Variants in HTT observed in about 807,000 individuals in gnomAD.
The protein encoded by HTT is huntington disease protein.
In HTT, 104 loss-of-function variants were observed where a neutral mutation model predicts 362.3. That is an observed-to-expected ratio of 0.29 (90% CI 0.24 to 0.34). The LOEUF is 0.34. Ranked by LOEUF, HTT falls within the 10% of genes least tolerant of loss-of-function variation. The pLI, the probability that HTT is intolerant of heterozygous loss-of-function variation, is 1.00. For missense variants in HTT, 3,301 were observed against 3,928.6 expected, an observed-to-expected ratio of 0.84 and a Z score of 4.27; for synonymous variants, 1,577 against 1,548.7, an observed-to-expected ratio of 1.02 and a Z score of -0.43.
At chr4:3,171,266 A>G (rs903351791) in intron 29 of HTT, among the ~76,000 whole-genome samples, 3 of 152,268 alleles carry the variant, frequency 2.0e-5, no homozygotes, top group South Asian at 2.1e-4. Flanking sequence ...ACAAGAATCT[A>G]TTGCTTATTA....
intron 60 of HTT, 120 bp downstream of exon 60, chr4:3,230,162 C>T: frequency 1.3e-6 from 1 of 782,708 alleles, no homozygotes; most frequent in South Asian, 1.6e-5. Context: ...TTGACCCGAA[C>T]CGGACTCCAC....
At chr4:3,132,487 G>A in intron 16 of HTT, 75 bp from the exon 17 acceptor site, 1 of 1,277,902 alleles carries the variant, frequency 7.8e-7, no homozygotes, top group Non-Finnish European at 1.1e-6. Context: ...TCTTTCCTGA[G>A]AATTAAGCTT....
At chr4:3,127,020 G>A (rs1715552553) in intron 11 of HTT, among the ~76,000 whole-genome samples, 1 of 152,200 alleles carries the variant, frequency 6.6e-6, no homozygotes, top group Admixed American at 6.5e-5. Flanking sequence ...GGTTTTTGCA[G>A]TGAAACAGCA....
In HTT at chr4:3,131,623, G is replaced by A. The variant is rs780792235; in HGVS notation, c.2099-15G>A. ...TTGTTTGAGGCTGAAGGTGGCTTGG[G>A]TGATTTCTTGGCAGTGCTGGTTCCG... On this transcript the variant is annotated splice_polypyrimidine_tract_variant and intron_variant, in intron 15 of 66. Coordinates refer to ENST00000355072, the MANE Select transcript of HTT (RefSeq NM_001388492.1). The A allele has an allele frequency of 2.5e-5, 40 of 1,610,232 alleles. 1 individual carries two copies. In the South Asian group the frequency reaches 4.3e-4, roughly 17 times the overall value.
At chr4:3,201,103 C>T (rs889999323) in intron 41 of HTT, among the ~76,000 whole-genome samples, 2 of 152,250 alleles carry the variant, frequency 1.3e-5, no homozygotes, top group Non-Finnish European at 2.9e-5. Context: ...CAAGCGTCTT[C>T]ATTCAGCCCT....
chr4:3,168,972 A>T (rs1399588632), intron 29 of HTT, among the ~76,000 whole-genome samples: 1 of 148,712 alleles, frequency 6.7e-6, no homozygotes, highest in Admixed American at 6.7e-5. Flanking sequence ...GTGGCTTCAT[A>T]GTATTTTTAA....
intron 14 of HTT, 116 bp downstream of exon 14, chr4:3,130,539 C>G: frequency 1.7e-6 from 1 of 605,124 alleles, no homozygotes; most frequent in East Asian, 2.8e-5. Flanking sequence ...TAAATTTCCC[C>G]TTTAAATACC....
At chr4:3,145,708 C>G (rs930315765) in intron 24 of HTT, among the ~76,000 whole-genome samples, 2 of 152,230 alleles carry the variant, frequency 1.3e-5, no homozygotes, top group Non-Finnish European at 2.9e-5. Flanking sequence ...AAGTCTTCTC[C>G]AGCATTCAGG....
intron 8 of HTT, 68 bp from the exon 9 acceptor site, chr4:3,121,160 C>T (rs762184605): frequency 6.6e-6 from 8 of 1,215,520 alleles, no homozygotes; most frequent in East Asian, 2.4e-5. Context: ...TTAAAAACAA[C>T]AAAAAAGTGA....
At chr4:3,176,849 C>A (rs1375849719) in intron 33 of HTT, among the ~76,000 whole-genome samples, 2 of 152,234 alleles carry the variant, frequency 1.3e-5, no homozygotes, top group African/African-American at 4.8e-5. Flanking sequence ...CATGCTTTAT[C>A]CATGGAAGCT....
intron 1 of HTT, among the ~76,000 whole-genome samples, chr4:3,080,390 C>G (rs7442144): frequency 0.043 from 6,445 of 150,406 alleles, 402 homozygotes; most frequent in African/African-American, 0.14. Context: ...CCACTGCACC[C>G]GGTCAGAACC....
intron 29 of HTT, among the ~76,000 whole-genome samples, chr4:3,166,404 T>C (rs559473386): frequency 6.6e-6 from 1 of 152,350 alleles, no homozygotes; most frequent in Non-Finnish European, 1.5e-5. Flanking sequence ...AGTCTGTTCA[T>C]TATCGGAGCT....
At chr4:3,144,639 AAAG>A (rs1223652795) in intron 23 of HTT, among the ~76,000 whole-genome samples, 1 of 152,240 alleles carries the variant, frequency 6.6e-6, no homozygotes, top group Non-Finnish European at 1.5e-5. Context: ...TTATTTGACA[AAAG>A]AAATACTTCC....
At chr4:3,112,221 T>C (rs992773587) in intron 6 of HTT, among the ~76,000 whole-genome samples, 1 of 152,208 alleles carries the variant, frequency 6.6e-6, no homozygotes, top group Non-Finnish European at 1.5e-5. Context: ...TCTGGTTTAT[T>C]CTTATTCTCA....
In HTT at chr4:3,115,344, C is replaced by T. The variant is rs372182277; in HGVS notation, c.788C>T (p.Ser263Phe). The change falls in exon 7 of 67, where the codon TCC becomes TTC. Residue 263 changes from serine (S) to phenylalanine (F), a missense_variant. Physicochemically the swap from Ser to Phe is radical, Grantham distance 155 (BLOSUM62 -2). Around this residue, in one of 4 missense-constraint regions of HTT, gnomAD observed 2,316 missense variants for 2,658.5 expected, o/e 0.87. Transcript: ENST00000355072. ...TTCATAGCGAACCTGAAGTCAAGCT[C>T]CCCCACCATTCGGCGGACAGCGGCT... ...KAFIANLKSS[S>F]PTIRRTAAGS... The T allele has an allele frequency of 3.1e-6, 5 of 1,613,940 alleles. No homozygotes were observed. The highest frequency in any genetic ancestry group is 4.2e-6 in the Non-Finnish European group (5 of 1,179,974).
intron 66 of HTT, 96 bp from the exon 67 acceptor site, chr4:3,239,750 C>A: frequency 2.0e-6 from 2 of 1,010,546 alleles, no homozygotes; most frequent in Non-Finnish European, 3.0e-6. Flanking sequence ...TCCCTGGACC[C>A]CTTTGTAGAC....
Position 3,188,803 on chromosome 4 carries a change from C to T in HTT, c.5226-148C>T, listed in dbSNP as rs1338137267. 2.4e-5 allele frequency: 17 copies of T among 699,484 alleles called. No individual in the cohort carries two copies. In the East Asian group the frequency reaches 2.8e-4, roughly 11 times the overall value. The allele number at this position is 699,484 out of a possible 1,614,324, so 43.3% of individuals were successfully genotyped here. A position where few individuals can be genotyped will look rare whatever the true frequency, so the allele number is the denominator to read the frequency against. On this transcript the variant is annotated intron_variant, in intron 39 of 66. Transcript: ENST00000355072. The stretch of plus-strand genomic sequence containing the variant: ...AGAGACCAAGTGACTGTGTCCACGG[C>T]GACGGCGCTCTGCATTTCACTTTAG...
chr4:3,222,451 G>A lies in HTT; in HGVS notation c.7434G>A (p.Gln2478=), dbSNP rs1395988255. The part of the protein sequence containing the change: ...WATLLGVLVT[Q]PLVMEQEESP... ...CCCTCCTTGGTGTCCTGGTGACGCA[G>A]CCCCTCGTGATGGAGCAGGAGGAGA... The change falls in exon 54 of 67, where the codon CAG becomes CAA. Residue 2478 remains glutamine (Q), a synonymous_variant. Coordinates refer to ENST00000355072, the MANE Select transcript of HTT (RefSeq NM_001388492.1). 2 of 1,614,126 alleles carry A rather than the reference G, an allele frequency of 1.2e-6. No individual in the cohort carries two copies. Among genetic ancestry groups the A allele is most frequent in the Non-Finnish European group, 1.7e-6 (2 of 1,180,010 alleles).
chr4:3,076,251 T>G (rs753004791), intron 1 of HTT, among the ~76,000 whole-genome samples: 1 of 152,158 alleles, frequency 6.6e-6, no homozygotes, highest in Non-Finnish European at 1.5e-5. Context: ...GTGTGTCGAG[T>G]GTACAGTAGG....
Sources: gnomAD v4.1 joint callset for allele counts (sites outside exome capture counted in the v4.1 genomes callset) on GRCh38, gnomAD v4.1.1 for gene constraint, gnomAD v4.1.1 regional missense constraint, MANE v1.5 for transcripts, NCBI Gene and HGNC (gene_info 2026-07-23, HGNC 2026-07-21) for gene names.